The following MCC variants were observed in gnomAD, a reference collection of about 807,000 sequenced individuals.
MCC encodes colorectal mutant cancer protein.
MCC carries 90 observed loss-of-function variants against 116.2 expected under a neutral mutation model. The ratio of observed to expected loss-of-function variants is 0.77; its 90% CI spans 0.65 to 0.92. The LOEUF is 0.92. MCC is among the 40% of genes least tolerant of loss of function. The pLI is 0.00. For synonymous variants in MCC, 578 were observed against 510.5 expected (o/e 1.13, Z -1.78); for missense variants, 1,516 against 1,312.2 (o/e 1.16, Z -2.40).
rs954999025 is a variant in MCC, at chr5:113,053,630, G to C, written c.2448+95C>G. ...GTCTAGCTCTTCTCTGGGCAGGAGG[G>C]GTTGATTCCTCCTTATCTGCTGGAC... On this transcript the variant is annotated intron_variant, in intron 15 of 18. Transcript: ENST00000408903. 6 of 816,000 alleles carry C rather than the reference G, an allele frequency of 7.4e-6. No individual in the cohort carries two copies. The African/African-American group carries it at 1.0e-4, about 14-fold the overall frequency. 50.5% of individuals were successfully genotyped at this position (816,000 alleles called of 1,614,324 possible).
intron 11 of MCC, among the ~76,000 whole-genome samples, chr5:113,073,482 A>G (rs746913320): frequency 2.2e-4 from 34 of 152,212 alleles, no homozygotes; most frequent in Non-Finnish European, 4.4e-4. Context: ...AATAAAGAGT[A>G]AAATTTGTCC....
At chr5:113,149,224 ATAAC>A (rs1759701358) in intron 4 of MCC, among the ~76,000 whole-genome samples, 2 of 151,788 alleles carry the variant, frequency 1.3e-5, no homozygotes, top group African/African-American at 4.9e-5. Flanking sequence ...AAATATAAAA[ATAAC>A]TATTTTCTCT....
chr5:113,146,502 T>G (rs1759530879), intron 4 of MCC, among the ~76,000 whole-genome samples: 1 of 151,724 alleles, frequency 6.6e-6, no homozygotes, highest in South Asian at 2.1e-4. Flanking sequence ...TGTTAGGCCT[T>G]ATGATACCAA....
chr5:113,087,645 C>A (rs748230918), intron 8 of MCC, among the ~76,000 whole-genome samples: 1 of 152,134 alleles, frequency 6.6e-6, no homozygotes, highest in Non-Finnish European at 1.5e-5. Flanking sequence ...GTTTTTACTG[C>A]TGATGAGTCT....
Position 113,193,883 on chromosome 5 carries a change from A to AT in MCC, c.628-42462dup, listed in dbSNP as rs1174424120. ...TCATTTGTTTTTTTTCTAAGGAATGATTAACTGAAGCACAATTTGGGTAAT... is the reference window on the plus strand; with the variant it reads ...TCATTTGTTTTTTTTCTAAGGAATGATTTAACTGAAGCACAATTTGGGTAAT... On this transcript the variant is annotated intron_variant, in intron 3 of 18. Transcript: ENST00000408903. 2.6e-5 allele frequency among the ~76,000 whole-genome samples: 4 copies of AT among 152,020 alleles called. No individual in the cohort carries two copies. In the East Asian group the frequency reaches 7.7e-4, roughly 29 times the overall value.
chr5:113,278,470 G>C (rs978903031), intron 3 of MCC, among the ~76,000 whole-genome samples: 1 of 152,190 alleles, frequency 6.6e-6, no homozygotes, highest in Non-Finnish European at 1.5e-5. Flanking sequence ...CCAATGCAAC[G>C]GGGAACACAG....
chr5:113,268,885 G>T (rs1765511523), intron 3 of MCC, among the ~76,000 whole-genome samples: 1 of 152,114 alleles, frequency 6.6e-6, no homozygotes, highest in African/African-American at 2.4e-5. Context: ...TTACTCAATG[G>T]TATCCTGACT....
rs567938222 is a variant in MCC at position 113,195,184 on chromosome 5, C to T, written c.628-43762G>A. On this transcript the variant is annotated intron_variant, in intron 3 of 18. Transcript: ENST00000408903. Reference sequence around the variant, plus strand: ...TTGGTGTGAAGACAGCAATGGACCTCGTGAGGGGGTCGATCAATATCCATG... The same window carrying T: ...TTGGTGTGAAGACAGCAATGGACCTTGTGAGGGGGTCGATCAATATCCATG... Among the ~76,000 whole-genome samples, 16 of 152,344 alleles carry T rather than the reference C, an allele frequency of 1.1e-4. No individual in the cohort carries two copies. The East Asian group carries it at 1.2e-3, about 11-fold the overall frequency.
chr5:113,454,366 A>T (rs1012891360), intron 1 of MCC, among the ~76,000 whole-genome samples: 3 of 152,112 alleles, frequency 2.0e-5, no homozygotes, highest in African/African-American at 7.2e-5. Flanking sequence ...TGGCCTCCCA[A>T]AATGCTGGAA....
At chr5:113,393,606 G>C (rs1176256505) in intron 1 of MCC, among the ~76,000 whole-genome samples, 1 of 152,194 alleles carries the variant, frequency 6.6e-6, no homozygotes, top group East Asian at 1.9e-4. Context: ...AGAAACATCA[G>C]ATTTATAGTC....
At chr5:113,078,887 C>T (rs1754650193) in intron 11 of MCC, among the ~76,000 whole-genome samples, 1 of 152,188 alleles carries the variant, frequency 6.6e-6, no homozygotes, top group South Asian at 2.1e-4. Flanking sequence ...TTGCAGATGA[C>T]ATGATTGTAT....
At chr5:113,208,816 GCAATATGTCCC>G (rs1763009859) in intron 3 of MCC, among the ~76,000 whole-genome samples, 1 of 151,762 alleles carries the variant, frequency 6.6e-6, no homozygotes, top group Non-Finnish European at 1.5e-5. Context: ...TTACTCAAAA[GCAATATGTCCC>G]CAACATCATG....
intron 1 of MCC, among the ~76,000 whole-genome samples, chr5:113,401,694 T>C (rs1020724119): frequency 1.3e-5 from 2 of 152,206 alleles, no homozygotes; most frequent in African/African-American, 2.4e-5. Context: ...GGTCTTACCT[T>C]GGCCTGGACA....
intron 1 of MCC, 74 bp downstream of exon 1, chr5:113,488,171 G>A (rs1772598286): frequency 2.1e-6 from 3 of 1,404,508 alleles, no homozygotes; most frequent in African/African-American, 1.5e-5. Flanking sequence ...GGGGCGAGGG[G>A]GCAGAGCAGG....
intron 3 of MCC, among the ~76,000 whole-genome samples, chr5:113,318,296 G>A (rs942444689): frequency 9.2e-5 from 14 of 152,274 alleles, no homozygotes; most frequent in African/African-American, 3.4e-4. Context: ...CCCAAACAGA[G>A]ATGCAAATTC....
chr5:113,205,221 A>G (rs1762864363), intron 3 of MCC, among the ~76,000 whole-genome samples: 1 of 152,230 alleles, frequency 6.6e-6, no homozygotes, highest in Non-Finnish European at 1.5e-5. Flanking sequence ...TGATGCAGTG[A>G]GAAGAGCAGG....
chr5:113,053,717 C>T lies in MCC; in HGVS notation c.2448+8G>A. 7 of 1,599,246 alleles carry T rather than the reference C, an allele frequency of 4.4e-6. No individual in the cohort carries two copies. The highest frequency in any genetic ancestry group is 6.0e-6 in the Non-Finnish European group (7 of 1,167,426). On this transcript the variant is annotated splice_region_variant and intron_variant, in intron 15 of 18. Transcript: ENST00000408903. ...CAGCCTAGCACATGGGACCCACCCA[C>T]CACATACCTTCATGGCCATGAGCTC...
At chr5:113,050,678 T>A (rs1025047973) in intron 15 of MCC, among the ~76,000 whole-genome samples, 1 of 152,242 alleles carries the variant, frequency 6.6e-6, no homozygotes, top group Non-Finnish European at 1.5e-5. Flanking sequence ...CACTGCATAC[T>A]GAGCTAATGT....
At chr5:113,317,959 A>T (rs1767325419) in intron 3 of MCC, among the ~76,000 whole-genome samples, 1 of 152,246 alleles carries the variant, frequency 6.6e-6, no homozygotes, top group Non-Finnish European at 1.5e-5. Context: ...AAATATCACA[A>T]GATGCAGAGG....
Sources: allele counts gnomAD v4.1 joint callset (sites outside exome capture counted in the v4.1 genomes callset), GRCh38; gene constraint gnomAD v4.1.1; transcripts MANE v1.5; gene names NCBI Gene and HGNC (gene_info 2026-07-23, HGNC 2026-07-21).